CALR: variants seen among roughly 807,000 people sequenced by gnomAD.
The protein encoded by CALR is calreticulin.
A neutral mutation model predicts 51.1 loss-of-function variants in CALR; 15 were observed. That is an observed-to-expected ratio of 0.29 (90% CI 0.20 to 0.45). The LOEUF (loss-of-function observed/expected upper bound fraction) is 0.45. Ranked by LOEUF, CALR falls within the 20% of genes least tolerant of loss-of-function variation. The probability of loss-of-function intolerance (pLI) is 1.00; values close to 1 mark genes in which losing one functional copy is unlikely to be tolerated. For synonymous variants in CALR, 239 were observed against 205.9 expected, an observed-to-expected ratio of 1.16 and a Z score of -1.38; for missense variants, 477 against 530.6, an observed-to-expected ratio of 0.90 and a Z score of 0.99.
At chr19:12,940,954 A>AG in intron 7 of CALR, 67 bp downstream of exon 7, 1 of 1,529,060 alleles carries the variant, frequency 6.5e-7, no homozygotes, top group Non-Finnish European at 9.1e-7. Context: ...CCAAGAGGAA[A>AG]GGGACAGGGT....
rs564656657 is a variant in CALR at position 12,939,123 on chromosome 19, C to T, written c.92-11C>T. The T allele has an allele frequency of 3.2e-6, 5 of 1,552,192 alleles. No individual in the cohort carries two copies. Among genetic ancestry groups the T allele is most frequent in the East Asian group, 4.5e-5 (2 of 44,352 alleles). On this transcript the variant is annotated splice_polypyrimidine_tract_variant and intron_variant, in intron 1 of 8. Coordinates refer to ENST00000316448, the MANE Select transcript of CALR (RefSeq NM_004343.4). Reference sequence around the variant, plus strand: ...AGCCGCTCTGACCTACCCCTCTAATCCCCCACTTAGACGGGTGGACTTCCC... The same window carrying T: ...AGCCGCTCTGACCTACCCCTCTAATTCCCCACTTAGACGGGTGGACTTCCC...
At chr19:12,943,201 C>G (rs942198604) in intron 7 of CALR, 1 of 343,094 alleles carries the variant, frequency 2.9e-6, no homozygotes, top group African/African-American at 2.2e-5. Context: ...TCTCCTGTCT[C>G]AGCCTCCCAA....
At position 12,939,503 on chromosome 19, in the gene CALR, C is replaced by T. The variant is rs373993748; in HGVS notation, c.269C>T (p.Thr90Met). The change falls in exon 3 of 9, where the codon ACG (threonine) becomes ATG (methionine). Residue 90 changes from threonine (T) to methionine (M), a missense_variant. Coordinates refer to ENST00000316448, the MANE Select transcript of CALR (RefSeq NM_004343.4). The part of the protein sequence containing the change: ...SFEPFSNKGQ[T>M]LVVQFTVKHE... ...GAGCCTTTCAGCAACAAAGGCCAGA[C>T]GCTGGTGGTGCAGTTCACGGTGAAA... 9.6e-5 allele frequency: 155 copies of T among 1,613,248 alleles called. 1 individual carries two copies. Among genetic ancestry groups the T allele is most frequent in the Admixed American group, 9.3e-4 (56 of 60,020 alleles).
intron 3 of CALR, 74 bp downstream of exon 3, chr19:12,939,705 A>C (rs1011570244): frequency 8.3e-6 from 11 of 1,330,754 alleles, no homozygotes; most frequent in Non-Finnish European, 1.1e-5. Context: ...TGACTTTCTT[A>C]ATAATGATTT....
In CALR at chr19:12,938,778, C is replaced by A; in HGVS notation, c.91+8C>A. 1 of 1,597,468 alleles carries A rather than the reference C, an allele frequency of 6.3e-7. No individual in the cohort carries two copies. ...AGCAGTTTCTGGACGGAGGTAACGC[C>A]TGGTCCCGCCTCGAGGCCGCCCCGA... On this transcript the variant is annotated splice_region_variant and intron_variant, in intron 1 of 8. Transcript: ENST00000316448.
chr19:12,942,255 C>T (rs961927170), intron 7 of CALR, among the ~76,000 whole-genome samples: 3 of 150,576 alleles, frequency 2.0e-5, no homozygotes, highest in Admixed American at 6.6e-5. Flanking sequence ...CCCAGCTACT[C>T]GGGAGGCTGA....
rs550353351 is a variant in CALR, at chr19:12,943,835, TGAGGATGAG to T, written c.1191_1199del (p.Glu398_Asp400del). 8.0e-4 allele frequency: 1,270 copies of T among 1,579,444 alleles called. 10 individuals carry two copies. The African/African-American group carries it at 0.013, about 16-fold the overall frequency. The stretch of plus-strand genomic sequence containing the variant: ...ACAAGGAGGATGATGAGGACAAAGA[TGAGGATGAG>T]GAGGATGAGGAGGACAAGGAGGAAG... On this transcript the variant is annotated inframe_deletion, in exon 9 of 9. Coordinates refer to ENST00000316448, the MANE Select transcript of CALR (RefSeq NM_004343.4).
At chr19:12,941,653 AT>A (rs796478601) in intron 7 of CALR, among the ~76,000 whole-genome samples, 111 of 140,776 alleles carry the variant, frequency 7.9e-4, no homozygotes, top group Admixed American at 9.2e-4. Flanking sequence ...ATTTTTTTGT[AT>A]TTTTTTTTTT....
In CALR at chr19:12,944,105, T is replaced by A; in HGVS notation, c.*192T>A. The A allele has an allele frequency of 1.2e-6, 1 of 811,906 alleles. No individual in the cohort carries two copies. The highest frequency in any genetic ancestry group is 1.9e-6 in the Non-Finnish European group (1 of 528,770). 50.3% of individuals were successfully genotyped at this position (811,906 alleles called of 1,614,324 possible). On this transcript the variant is annotated 3_prime_UTR_variant, in exon 9 of 9. Transcript: ENST00000316448. ...CTCCCCGCCCTTTTTTTTTTTTTTT[T>A]TTAAACTGGTATTTTATCTTTGATT...
Position 12,940,578 on chromosome 19 carries a change from C to G in CALR, c.740C>G (p.Ala247Gly). ...DKPEHIPDPD[A>G]KKPEDWDEEM... ...CCCGAGCATATCCCTGACCCTGATGCTAAGAAGCCCGAGGACTGGGATGAA... is the reference window on the plus strand; with the variant it reads ...CCCGAGCATATCCCTGACCCTGATGGTAAGAAGCCCGAGGACTGGGATGAA... The change falls in exon 6 of 9, where the codon GCT becomes GGT. Residue 247 changes from alanine to glycine, a missense_variant. Ala to Gly is a moderately conservative substitution (Grantham distance 60). Transcript: ENST00000316448. The G allele has an allele frequency of 1.2e-6, 2 of 1,614,160 alleles. No homozygotes were observed. Among genetic ancestry groups the G allele is most frequent in the Non-Finnish European group, 1.7e-6 (2 of 1,180,024 alleles).
intron 3 of CALR, 34 bp from the exon 4 acceptor site, chr19:12,940,019 C>T: frequency 6.8e-7 from 1 of 1,468,168 alleles, no homozygotes; most frequent in Non-Finnish European, 9.6e-7. Flanking sequence ...GATGGGTAGT[C>T]TCTGACTCTT....
intron 1 of CALR, 60 bp downstream of exon 1, chr19:12,938,830 T>C: frequency 7.8e-7 from 1 of 1,274,454 alleles, no homozygotes. Flanking sequence ...CGATCCTGGA[T>C]CTGCGTTGTC....
chr19:12,943,043 C>T lies in CALR; in HGVS notation c.961-494C>T, dbSNP rs558565769. Among the ~76,000 whole-genome samples the T allele has an allele frequency of 6.7e-5, 10 of 150,150 alleles. No homozygotes were observed. The East Asian group carries it at 1.0e-3, about 15-fold the overall frequency. Reference sequence around the variant, plus strand: ...AGTGCTGGGATTACAGGCATGAGCCCGTCCCGTCCCTGGCTGTCTCTCCAT... The same window carrying T: ...AGTGCTGGGATTACAGGCATGAGCCTGTCCCGTCCCTGGCTGTCTCTCCAT... On this transcript the variant is annotated intron_variant, in intron 7 of 8. Coordinates refer to ENST00000316448, the MANE Select transcript of CALR (RefSeq NM_004343.4).
At chr19:12,941,051 C>T (rs1363976179) in intron 7 of CALR, among the ~76,000 whole-genome samples, 164 bp downstream of exon 7, 2 of 152,074 alleles carry the variant, frequency 1.3e-5, no homozygotes, top group Admixed American at 6.6e-5. Context: ...TCACAGCAAC[C>T]CCTTTAAGGT....
chr19:12,940,958 A>G, intron 7 of CALR, 71 bp downstream of exon 7: 1 of 1,479,892 alleles, frequency 6.8e-7, no homozygotes, highest in Non-Finnish European at 9.5e-7. Flanking sequence ...GAGGAAAGGG[A>G]CAGGGTAGGC....
At chr19:12,942,860 G>A (rs1971567420) in intron 7 of CALR, among the ~76,000 whole-genome samples, 3 of 151,302 alleles carry the variant, frequency 2.0e-5, no homozygotes, top group South Asian at 2.1e-4. Context: ...AGATTCAAGC[G>A]ATTCTCCTGC....
Position 12,940,905 on chromosome 19 carries a change from AAGG to A in CALR, c.960+23_960+25del, listed in dbSNP as rs1471996935. On this transcript the variant is annotated intron_variant, in intron 7 of 8. Coordinates refer to ENST00000316448, the MANE Select transcript of CALR (RefSeq NM_004343.4). The stretch of plus-strand genomic sequence containing the variant: ...TCTGGCAGGTGAGACTTGGAGGAAA[AAGG>A]AGGATCCCTGGGGTACCTCAAGTGC... 3.1e-6 allele frequency: 5 copies of A among 1,613,674 alleles called. No individual in the cohort carries two copies. Among genetic ancestry groups the A allele is most frequent in the Middle Eastern group, 1.6e-4 (1 of 6,080 alleles).
chr19:12,939,666 C>T (rs771363258), intron 3 of CALR, 35 bp downstream of exon 3: 1 of 1,570,190 alleles, frequency 6.4e-7, no homozygotes, highest in South Asian at 1.1e-5. Flanking sequence ...ATCTCTGTCC[C>T]ATTAGTTAGA....
chr19:12,941,002 C>A, intron 7 of CALR, 115 bp downstream of exon 7: 1 of 968,768 alleles, frequency 1.0e-6, no homozygotes, highest in Non-Finnish European at 1.7e-6. Context: ...AATGGTACTT[C>A]TTGTAAACAG....
Sources: gnomAD v4.1 joint callset for allele counts (sites outside exome capture counted in the v4.1 genomes callset) on GRCh38, gnomAD v4.1.1 for gene constraint, MANE v1.5 for transcripts, NCBI Gene and HGNC (gene_info 2026-07-23, HGNC 2026-07-21) for gene names.